RBFOX2: variants seen among roughly 807,000 people sequenced by gnomAD.
The protein encoded by RBFOX2 is RNA binding protein fox-1 homolog 2.
In RBFOX2, 10 loss-of-function variants were observed where a neutral mutation model predicts 49.1. The observed-to-expected ratio is 0.20, with a 90% CI of 0.13 to 0.35. The LOEUF (loss-of-function observed/expected upper bound fraction) is 0.35. Ranked by LOEUF, RBFOX2 falls within the 10% of genes least tolerant of loss-of-function variation. The pLI is 1.00. For missense variants in RBFOX2, 323 were observed against 486.9 expected (o/e 0.66, Z 3.17); for synonymous variants, 183 against 187.4 (o/e 0.98, Z 0.19).
At chr22:35,836,381 C>T (rs1250426175) in intron 1 of RBFOX2, 2 of 152,204 alleles carry the variant, frequency 1.3e-5, no homozygotes, top group Non-Finnish European at 2.9e-5. Context: ...TTCTCCCAAC[C>T]ACCCAGGAAC....
chr22:35,842,054 A>T (rs538029095), upstream of RBFOX2, among the ~76,000 whole-genome samples: 13 of 152,302 alleles, frequency 8.5e-5, no homozygotes, highest in Non-Finnish European at 1.5e-4. Flanking sequence ...TTAAAATTTT[A>T]AAATTAAAAA....
chr22:35,779,409 T>C (rs185770321), intron 3 of RBFOX2, among the ~76,000 whole-genome samples: 6 of 152,304 alleles, frequency 3.9e-5, no homozygotes, highest in African/African-American at 1.2e-4. Flanking sequence ...TGCTGTTCCA[T>C]TGGACTGAAT....
At chr22:35,778,356 CTA>C in intron 3 of RBFOX2, among the ~76,000 whole-genome samples, 1 of 152,120 alleles carries the variant, frequency 6.6e-6, no homozygotes, top group Non-Finnish European at 1.5e-5. Context: ...TGGAATTTTC[CTA>C]ACTACATCTC....
intron 1 of RBFOX2, among the ~76,000 whole-genome samples, chr22:35,898,900 G>A (rs1218222880): frequency 1.3e-5 from 2 of 152,126 alleles, no homozygotes; most frequent in Non-Finnish European, 2.9e-5. Flanking sequence ...GCCGAGGCGG[G>A]CAGATCACCT....
intron 1 of RBFOX2, among the ~76,000 whole-genome samples, chr22:35,851,387 G>A (rs1380212174): frequency 6.6e-6 from 1 of 152,178 alleles, no homozygotes. Flanking sequence ...AAGCCCTGGA[G>A]AAATGAACAC....
At chr22:35,795,310 CCA>C (rs1948583993) in intron 2 of RBFOX2, among the ~76,000 whole-genome samples, 1 of 152,110 alleles carries the variant, frequency 6.6e-6, no homozygotes, top group African/African-American at 2.4e-5. Flanking sequence ...CCTCCGTAGT[CCA>C]AGACCTCTAC....
intron 1 of RBFOX2, among the ~76,000 whole-genome samples, chr22:35,917,431 A>T (rs1438236248): frequency 6.6e-6 from 1 of 152,220 alleles, no homozygotes. Flanking sequence ...GGGGACAGTG[A>T]AAATGCACAG....
intron 1 of RBFOX2, among the ~76,000 whole-genome samples, chr22:35,903,949 T>C (rs1445920981): frequency 6.6e-6 from 1 of 150,784 alleles, no homozygotes; most frequent in East Asian, 1.9e-4. Context: ...TACATTTTTC[T>C]TTCCAAACTC....
At chr22:35,976,949 C>T (rs770231272) in intron 1 of RBFOX2, among the ~76,000 whole-genome samples, 2 of 149,358 alleles carry the variant, frequency 1.3e-5, no homozygotes, top group Non-Finnish European at 3.0e-5. Context: ...GGGCGACAGA[C>T]CGAGACTCCG....
At chr22:35,940,604 G>A (rs1449710662), upstream of RBFOX2, among the ~76,000 whole-genome samples, 1 of 151,942 alleles carries the variant, frequency 6.6e-6, no homozygotes, top group Non-Finnish European at 1.5e-5. Context: ...TAAGAAAACT[G>A]AAAACATATG....
intron 1 of RBFOX2, among the ~76,000 whole-genome samples, chr22:35,987,157 T>C (rs1190574451): frequency 6.6e-6 from 1 of 152,156 alleles, no homozygotes; most frequent in African/African-American, 2.4e-5. Context: ...GATGCAAATA[T>C]TTCAGTCTTA....
intron 2 of RBFOX2, among the ~76,000 whole-genome samples, chr22:35,809,464 G>T (rs569212919): frequency 2.6e-5 from 4 of 152,178 alleles, no homozygotes; most frequent in African/African-American, 9.6e-5. Context: ...GCAGAGAAAG[G>T]ATATAAAATA....
At chr22:35,739,829 G>A (rs1928932936) in exon 12 of RBFOX2, 2 of 152,594 alleles carry the variant, frequency 1.3e-5, no homozygotes. Context: ...CAGACAAGGA[G>A]GACCAAGTCC....
At chr22:36,014,463 A>AATT (rs1357384080) in intron 1 of RBFOX2, among the ~76,000 whole-genome samples, 4 of 152,156 alleles carry the variant, frequency 2.6e-5, no homozygotes, top group African/African-American at 9.7e-5. Flanking sequence ...GGGATACTAG[A>AATT]ATTAAATAAT....
At chr22:36,001,231 ACAC>A (rs1364151707) in intron 1 of RBFOX2, among the ~76,000 whole-genome samples, 10 of 102,866 alleles carry the variant, frequency 9.7e-5, no homozygotes, top group African/African-American at 3.9e-4. Flanking sequence ...ACACACACAC[ACAC>A]TATATGTATA....
chr22:35,868,806 A>G (rs1229512636), intron 1 of RBFOX2, among the ~76,000 whole-genome samples: 1 of 152,202 alleles, frequency 6.6e-6, no homozygotes, highest in Non-Finnish European at 1.5e-5. Flanking sequence ...GACTCAAAAT[A>G]AAGATTAAGA....
At chr22:35,969,735 G>T (rs919506163) in intron 1 of RBFOX2, among the ~76,000 whole-genome samples, 3 of 152,152 alleles carry the variant, frequency 2.0e-5, no homozygotes, top group African/African-American at 7.2e-5. Flanking sequence ...AGTTTAAAGT[G>T]ATTTTTTAAA....
intron 1 of RBFOX2, among the ~76,000 whole-genome samples, chr22:35,901,302 C>G (rs1324805580): frequency 6.6e-6 from 1 of 152,100 alleles, no homozygotes; most frequent in East Asian, 1.9e-4. Flanking sequence ...GAAAAACTTA[C>G]CCTGGATATA....
At chr22:35,873,029 A>G (rs2044562788) in intron 1 of RBFOX2, among the ~76,000 whole-genome samples, 2 of 152,348 alleles carry the variant, frequency 1.3e-5, no homozygotes, top group Admixed American at 6.5e-5. Context: ...CAGCAACTTT[A>G]TAATTATCAC....
Sources: allele counts gnomAD v4.1 joint callset (sites outside exome capture counted in the v4.1 genomes callset), GRCh38; gene constraint gnomAD v4.1.1; transcripts MANE v1.5; gene names NCBI Gene and HGNC (gene_info 2026-07-23, HGNC 2026-07-21).